PCNX2: variants seen among roughly 807,000 people sequenced by gnomAD.
PCNX2 encodes the protein pecanex 2, also known as pecanex-like protein 2.
PCNX2 carries 168 observed loss-of-function variants against 223.8 expected under a neutral mutation model. That is an observed-to-expected ratio of 0.75 (90% CI 0.66 to 0.85). PCNX2 has a LOEUF of 0.85. Ranked by LOEUF, PCNX2 falls within the 40% of genes least tolerant of loss-of-function variation. The pLI is 0.00. For missense variants in PCNX2, 2,507 were observed against 2,675.5 expected (o/e 0.94, Z 1.39); for synonymous variants, 1,006 against 1,052.6 (o/e 0.96, Z 0.86).
At chr1:233,149,464 G>C (rs1427702042) in intron 19 of PCNX2, among the ~76,000 whole-genome samples, 1 of 151,982 alleles carries the variant, frequency 6.6e-6, no homozygotes, top group East Asian at 1.9e-4. Context: ...TTCAGTGGGG[G>C]TGAGGCTTGA....
chr1:233,119,280 C>T (rs1447789503), intron 21 of PCNX2, among the ~76,000 whole-genome samples: 1 of 151,276 alleles, frequency 6.6e-6, no homozygotes, highest in African/African-American at 2.4e-5. Flanking sequence ...GAAAAAAAGG[C>T]CAGGCACGGT....
rs374268783 is a variant in PCNX2 at position 233,200,221 on chromosome 1, G to A, written c.2907C>T (p.Phe969=). The A allele has an allele frequency of 1.7e-4, 267 of 1,592,634 alleles. No homozygotes were observed. The highest frequency in any genetic ancestry group is 3.3e-4 in the Middle Eastern group (2 of 6,060). ...AAGTGCAGAAAGTGTTGATTTGCGG[G>A]AAGAGCCCAAGGAGGGAAATAGCAG... ...CFPAISLLGL[F]PQINTFCTYL... Residue 969 remains phenylalanine, a synonymous_variant, in exon 14 of 34, where the codon TTC becomes TTT. Transcript: ENST00000258229.
At chr1:233,056,797 A>C (rs780160839) in intron 24 of PCNX2, among the ~76,000 whole-genome samples, 6 of 152,322 alleles carry the variant, frequency 3.9e-5, no homozygotes, top group Non-Finnish European at 5.9e-5. Flanking sequence ...ATTTTCTAGC[A>C]GGTACATCCT....
At chr1:233,247,311 C>A (rs1659181124) in intron 8 of PCNX2, among the ~76,000 whole-genome samples, 1 of 152,182 alleles carries the variant, frequency 6.6e-6, no homozygotes, top group Non-Finnish European at 1.5e-5. Context: ...CTGCTGAATG[C>A]CACAACACCA....
intron 15 of PCNX2, among the ~76,000 whole-genome samples, chr1:233,190,767 A>C (rs1217309682): frequency 6.6e-6 from 1 of 152,154 alleles, no homozygotes. Context: ...AATGGAATCT[A>C]TTTACTCTGA....
chr1:233,303,770 T>C, the PCNX2 span, among the ~76,000 whole-genome samples: 1 of 152,240 alleles, frequency 6.6e-6, no homozygotes, highest in Non-Finnish European at 1.5e-5. Flanking sequence ...AATTCTATTC[T>C]ATCTGATATT....
chr1:233,214,210 T>C (rs1190180891), intron 12 of PCNX2, among the ~76,000 whole-genome samples: 2 of 152,148 alleles, frequency 1.3e-5, no homozygotes, highest in African/African-American at 4.8e-5. Flanking sequence ...TGCTAACAAT[T>C]GCTAAGTGCT....
At chr1:233,248,828 C>G (rs1022919052) in intron 8 of PCNX2, among the ~76,000 whole-genome samples, 3 of 152,192 alleles carry the variant, frequency 2.0e-5, no homozygotes, top group Non-Finnish European at 2.9e-5. Context: ...TCAGTTGCCT[C>G]TCAGTCCATC....
rs762634526 is a variant in PCNX2, at chr1:233,227,349, G to T, written c.2381C>A (p.Ala794Asp). 5 of 1,613,144 alleles carry T rather than the reference G, an allele frequency of 3.1e-6. No individual in the cohort carries two copies. Among genetic ancestry groups the T allele is most frequent in the Admixed American group, 1.7e-5 (1 of 59,910 alleles). The change falls in exon 10 of 34, where the codon GCC (alanine) becomes GAC (aspartate). Residue 794 changes from alanine (A) to aspartate (D), a missense_variant. Ala to Asp is a moderately radical substitution (Grantham distance 126, BLOSUM62 -2). Around this residue, in one of 3 missense-constraint regions of PCNX2, gnomAD observed 1,031 missense variants for 1,021.7 expected, o/e 1.01. Coordinates refer to ENST00000258229, the MANE Select transcript of PCNX2 (RefSeq NM_014801.4). ...TCCTTGTGTTGAAGAACATGACGAG[G>T]CTTCCAGATCCTGACTCACATGCTT... ...TPRHVSQDLE[A>D]SSCSSTQGKF...
intron 25 of PCNX2, among the ~76,000 whole-genome samples, chr1:233,035,230 G>T (rs1319365836): frequency 1.3e-5 from 2 of 152,204 alleles, no homozygotes; most frequent in African/African-American, 4.8e-5. Flanking sequence ...ACATTTTCAA[G>T]ATTGGGCTTC....
At chr1:233,032,778 C>T (rs190644688) in intron 25 of PCNX2, among the ~76,000 whole-genome samples, 1 of 152,222 alleles carries the variant, frequency 6.6e-6, no homozygotes, top group African/African-American at 2.4e-5. Context: ...GGTGAAAGGG[C>T]AGTTGAGGAA....
chr1:233,216,008 C>T (rs2102924492), intron 12 of PCNX2, among the ~76,000 whole-genome samples: 1 of 152,264 alleles, frequency 6.6e-6, no homozygotes, highest in Non-Finnish European at 1.5e-5. Flanking sequence ...CAGGAGCTAT[C>T]ACAGATTGAA....
rs150891284 is a variant in PCNX2 at position 233,254,088 on chromosome 1, T to C, written c.1835-1300A>G. 8.8e-3 allele frequency among the ~76,000 whole-genome samples: 1,347 copies of C among 152,360 alleles called. 13 individuals carry two copies. Among genetic ancestry groups the C allele is most frequent in the Non-Finnish European group, 0.013 (899 of 68,034 alleles). On this transcript the variant is annotated intron_variant, in intron 5 of 33. Coordinates refer to ENST00000258229, the MANE Select transcript of PCNX2 (RefSeq NM_014801.4). Reference sequence around the variant, plus strand: ...CCCTCAGAAAGCAAAACTGTGTTAGTGTCTGTGGGATATAAATCACATCCT... The same window carrying C: ...CCCTCAGAAAGCAAAACTGTGTTAGCGTCTGTGGGATATAAATCACATCCT...
Position 233,236,887 on chromosome 1 carries a change from C to G in PCNX2, c.2316G>C (p.Leu772=), listed in dbSNP as rs777215829. Residue 772 remains leucine (L), a synonymous_variant, in exon 9 of 34, where the codon CTG becomes CTC. Transcript: ENST00000258229. ...DPAVSALQQQ[L]LLMVARRTQS... ...GGGTCCTGCGAGCCACCATCAGTAA[C>G]AGCTGTTGCTGAAGGGCACTGACGG... is the stretch of plus-strand genomic sequence containing the variant. 6.2e-7 allele frequency: 1 copy of G among 1,614,010 alleles called. No homozygotes were observed. The highest frequency in any genetic ancestry group is 1.7e-5 in the Admixed American group (1 of 60,034).
At chr1:233,185,183 C>T (rs1272617827) in intron 15 of PCNX2, among the ~76,000 whole-genome samples, 6 of 151,314 alleles carry the variant, frequency 4.0e-5, no homozygotes, top group Admixed American at 4.0e-4. Context: ...AGAGAGATTA[C>T]TTGATTATCA....
At chr1:233,132,172 T>G (rs1273140740) in intron 21 of PCNX2, among the ~76,000 whole-genome samples, 1 of 152,128 alleles carries the variant, frequency 6.6e-6, no homozygotes, top group African/African-American at 2.4e-5. Flanking sequence ...ACTCCTGACC[T>G]CGGGTAATCC....
chr1:233,114,987 C>T (rs1351645764), intron 21 of PCNX2, among the ~76,000 whole-genome samples: 1 of 152,088 alleles, frequency 6.6e-6, no homozygotes, highest in Admixed American at 6.6e-5. Flanking sequence ...ATGCAAAACA[C>T]ACAGGCTTAT....
chr1:233,193,632 T>C (rs539729253), intron 15 of PCNX2, among the ~76,000 whole-genome samples: 21 of 152,258 alleles, frequency 1.4e-4, no homozygotes, highest in African/African-American at 5.1e-4. Flanking sequence ...AGCCAGATAA[T>C]TTACAAAAAT....
chr1:233,218,279 T>C, intron 10 of PCNX2, 95 bp from the exon 11 acceptor site: 1 of 1,138,146 alleles, frequency 8.8e-7, no homozygotes, highest in South Asian at 1.7e-5. Context: ...GATGGAATCT[T>C]GCTCTATCGC....
Sources: allele counts gnomAD v4.1 joint callset (sites outside exome capture counted in the v4.1 genomes callset), GRCh38; gene constraint gnomAD v4.1.1; regional missense constraint gnomAD v4.1.1; transcripts MANE v1.5; gene names NCBI Gene and HGNC (gene_info 2026-07-23, HGNC 2026-07-21).